Variants in SHOX observed in about 807,000 individuals in gnomAD.
The protein encoded by SHOX is SHOX homeobox, also known as short stature homeobox protein.
Under a neutral mutation model 29.6 loss-of-function variants are expected in SHOX, and 12 were observed. The observed-to-expected ratio is 0.41, with a 90% CI of 0.26 to 0.66. SHOX has a LOEUF of 0.66. SHOX is among the 30% of genes least tolerant of loss of function. The pLI, the probability that SHOX is intolerant of heterozygous loss-of-function variation, is 0.35. For missense variants in SHOX, 499 were observed against 437.7 expected (o/e 1.14, Z -1.25); for synonymous variants, 214 against 200.6 (o/e 1.07, Z -0.57).
At chrX:625,823 C>T (rs762821224), upstream of SHOX, among the ~76,000 whole-genome samples, 5 of 144,832 alleles carry the variant, frequency 3.5e-5, no homozygotes, top group African/African-American at 1.1e-4. Context: ...CTCTGTCTCT[C>T]TTTCTCTCCT....
At chrX:655,343 G>A (rs1569496538), downstream of SHOX, among the ~76,000 whole-genome samples, 1 of 151,774 alleles carries the variant, frequency 6.6e-6, no homozygotes. Context: ...TCTTGACTTT[G>A]TGATCTGCCT....
chrX:636,842 G>T (rs1484039170), intron 2 of SHOX, among the ~76,000 whole-genome samples: 3 of 144,810 alleles, frequency 2.1e-5, no homozygotes, highest in Non-Finnish European at 3.0e-5. Flanking sequence ...TGGGATGGGT[G>T]ATTGAGTCAA....
At chrX:652,339 AATTT>A (rs893321554), downstream of SHOX, among the ~76,000 whole-genome samples, 3 of 87,092 alleles carry the variant, frequency 3.4e-5, no homozygotes, top group South Asian at 3.4e-4. Flanking sequence ...AAAAATGACA[AATTT>A]TTTTTTTTTT....
downstream of SHOX, among the ~76,000 whole-genome samples, chrX:656,119 C>T (rs991489125): frequency 1.2e-4 from 17 of 138,172 alleles, no homozygotes; most frequent in African/African-American, 4.5e-4. Context: ...AGACCAGCCT[C>T]GGCAACAAAG....
chrX:627,991 C>A (rs2052568779), upstream of SHOX, among the ~76,000 whole-genome samples: 1 of 146,648 alleles, frequency 6.8e-6, no homozygotes, highest in Non-Finnish European at 1.5e-5. Flanking sequence ...AGTTACCCGG[C>A]CTCTGAGGAC....
At chrX:657,672 C>G (rs2053166243) in intron 5 of SHOX, among the ~76,000 whole-genome samples, 1 of 152,202 alleles carries the variant, frequency 6.6e-6, no homozygotes, top group South Asian at 2.1e-4. Context: ...AAAACCTTCT[C>G]TTTCCCCAGG....
chrX:640,806 C>A lies in SHOX; in HGVS notation c.487-15C>A, dbSNP rs1299956134. On this transcript the variant is annotated splice_polypyrimidine_tract_variant and intron_variant, in intron 2 of 4. Coordinates refer to ENST00000686671, the MANE Select transcript of SHOX (RefSeq NM_000451.4). ...TTCACAGGGCTCTTCACATCTCTCT[C>A]TGCTTCTCCCCAAGGTTTGGTTCCA... 1 of 1,613,906 alleles carries A rather than the reference C, an allele frequency of 6.2e-7. No homozygotes were observed. The highest frequency in any genetic ancestry group is 8.5e-7 in the Non-Finnish European group (1 of 1,179,860).
chrX:626,308 TCTC>T (rs1250640409), upstream of SHOX, among the ~76,000 whole-genome samples: 36 of 145,356 alleles, frequency 2.5e-4, no homozygotes. Flanking sequence ...TGTCTCTCTC[TCTC>T]CTCTCTTTTT....
At chrX:639,829 C>T (rs1404550054) in intron 2 of SHOX, among the ~76,000 whole-genome samples, 1 of 148,842 alleles carries the variant, frequency 6.7e-6, no homozygotes, top group Non-Finnish European at 1.5e-5. Context: ...TGGTGAAACC[C>T]CGTCTCTACT....
chrX:634,131 C>G (rs1475544319), intron 1 of SHOX, among the ~76,000 whole-genome samples: 1 of 152,166 alleles, frequency 6.6e-6, no homozygotes, highest in Admixed American at 6.5e-5. Context: ...CTCCTAGCTC[C>G]GCCAGATCGC....
chrX:630,387 C>A (rs928868643), upstream of SHOX: 1 of 162,816 alleles, frequency 6.1e-6, no homozygotes, highest in African/African-American at 2.4e-5. Flanking sequence ...GCGCTCCTCC[C>A]GGGAGCGAGG....
rs1569495708 is a variant in SHOX at position 648,942 on chromosome X, C to CTTTTCTTTGTTTCTTTCT, written c.*4314_*4315insGTTTCTTTCTTTTTCTTT. ...TTTTTCTTTCTTTCTCTCTTTCTTTCTTTTCTTTCTTTCTGTTTCTTTCCT... is the reference window on the plus strand; with the variant it reads ...TTTTTCTTTCTTTCTCTCTTTCTTTCTTTTCTTTGTTTCTTTCTTTTTCTTTCTTTCTGTTTCTTTCCT... On this transcript the variant is annotated 3_prime_UTR_variant, in exon 5 of 5. Coordinates refer to ENST00000686671, the MANE Select transcript of SHOX (RefSeq NM_000451.4). 4.1e-5 allele frequency among the ~76,000 whole-genome samples: 6 copies of CTTTTCTTTGTTTCTTTCT among 145,932 alleles called. No individual in the cohort carries two copies. Among genetic ancestry groups the CTTTTCTTTGTTTCTTTCT allele is most frequent in the East Asian group, 4.0e-4 (2 of 4,942 alleles).
intron 2 of SHOX, among the ~76,000 whole-genome samples, chrX:640,182 T>C (rs1395635871): frequency 6.6e-6 from 1 of 150,624 alleles, no homozygotes; most frequent in African/African-American, 2.4e-5. Context: ...CCATCTCTAC[T>C]AAAAATACAA....
chrX:639,336 G>A (rs2052809673), intron 2 of SHOX, among the ~76,000 whole-genome samples: 1 of 152,194 alleles, frequency 6.6e-6, no homozygotes. Context: ...GGGGACCCTT[G>A]GTAATATGAA....
chrX:653,623 A>T (rs1220012130), downstream of SHOX, among the ~76,000 whole-genome samples: 8 of 72,686 alleles, frequency 1.1e-4, no homozygotes, highest in East Asian at 1.2e-3. Flanking sequence ...GACCACATTT[A>T]AAAAAAAAAA....
rs181143203 is a variant in SHOX at position 634,603 on chromosome X, C to T, written c.278-15C>T. 6.8e-6 allele frequency: 11 copies of T among 1,612,738 alleles called. No individual in the cohort carries two copies. The African/African-American group carries it at 8.0e-5, about 12-fold the overall frequency. On this transcript the variant is annotated splice_polypyrimidine_tract_variant and intron_variant, in intron 1 of 4. Transcript: ENST00000686671. ...CTCCCCGGCCTCAGCCCTGTGCCCT[C>T]CGCTCCCCACGCAGGGATTTATGAA...
chrX:651,863 A>G (rs2053070293), downstream of SHOX, among the ~76,000 whole-genome samples: 1 of 152,066 alleles, frequency 6.6e-6, no homozygotes, highest in African/African-American at 2.4e-5. Flanking sequence ...AAACAGAGGA[A>G]AAAGCCCTGA....
At chrX:644,207 G>A (rs2052921022) in intron 4 of SHOX, 184 bp from the exon 5 acceptor site, 1 of 407,706 alleles carries the variant, frequency 2.5e-6, no homozygotes, top group Non-Finnish European at 3.3e-6. Flanking sequence ...TGCATCCAGT[G>A]GCAGCGCCAA....
downstream of SHOX, among the ~76,000 whole-genome samples, chrX:655,904 G>T (rs759511104): frequency 6.6e-6 from 1 of 152,058 alleles, no homozygotes; most frequent in Admixed American, 6.6e-5. Context: ...GCTGGACGTG[G>T]TAGCTCACGC....
Sources: allele counts gnomAD v4.1 joint callset (sites outside exome capture counted in the v4.1 genomes callset), GRCh38; gene constraint gnomAD v4.1.1; transcripts MANE v1.5; gene names NCBI Gene and HGNC (gene_info 2026-07-23, HGNC 2026-07-21).